ZNF503: variants seen among roughly 807,000 people sequenced by gnomAD.
ZNF503 encodes the protein NocA-like zinc finger 2.
ZNF503 carries 15 observed loss-of-function variants against 34.4 expected under a neutral mutation model. That is an observed-to-expected ratio of 0.44 (90% CI 0.29 to 0.67). ZNF503 has a LOEUF of 0.67. Among genes scored for constraint, ZNF503 ranks in the 30% least tolerant of loss-of-function variants. ZNF503 has a pLI of 0.13. For missense variants in ZNF503, 1,007 were observed against 926.8 expected, an observed-to-expected ratio of 1.09 and a Z score of -1.12; for synonymous variants, 580 against 456.8, an observed-to-expected ratio of 1.27 and a Z score of -3.44.
chr10:75,290,054 AATTTG>A, the ZNF503 span, among the ~76,000 whole-genome samples: 1 of 151,974 alleles, frequency 6.6e-6, no homozygotes, highest in African/African-American at 2.4e-5. Flanking sequence ...TGTCTCTATG[AATTTG>A]ACTACTTTAG....
At chr10:75,397,004 C>T (rs1035254137), downstream of ZNF503, among the ~76,000 whole-genome samples, 90 of 152,310 alleles carry the variant, frequency 5.9e-4, no homozygotes, top group African/African-American at 1.9e-3. Flanking sequence ...GCCCTAGGTG[C>T]CCACCTGGTA....
chr10:75,389,867 G>A, the ZNF503 span, among the ~76,000 whole-genome samples: 3 of 152,142 alleles, frequency 2.0e-5, no homozygotes, highest in African/African-American at 7.2e-5. Flanking sequence ...GTCTGCCTCC[G>A]TTTTGGGTTG....
chr10:75,344,785 GC>G, the ZNF503 span, among the ~76,000 whole-genome samples: 2 of 152,232 alleles, frequency 1.3e-5, no homozygotes, highest in African/African-American at 4.8e-5. Flanking sequence ...CAGCGTCATT[GC>G]AGAGATGCCC....
At chr10:75,376,303 C>T in the ZNF503 span, among the ~76,000 whole-genome samples, 1 of 152,166 alleles carries the variant, frequency 6.6e-6, no homozygotes, top group African/African-American at 2.4e-5. Context: ...CCCCACCACC[C>T]CTCTCTGGCT....
At chr10:75,282,831 T>G in the ZNF503 span, among the ~76,000 whole-genome samples, 2 of 152,114 alleles carry the variant, frequency 1.3e-5, no homozygotes, top group Non-Finnish European at 2.9e-5. Context: ...CCTCATAGGG[T>G]TGTGGGAAGG....
At chr10:75,365,336 CG>C in the ZNF503 span, among the ~76,000 whole-genome samples, 1 of 152,108 alleles carries the variant, frequency 6.6e-6, no homozygotes, top group Non-Finnish European at 1.5e-5. Context: ...TTAGTAGAGA[CG>C]GGGTTTCACT....
the ZNF503 span, among the ~76,000 whole-genome samples, chr10:75,367,759 G>T: frequency 2.0e-5 from 3 of 152,174 alleles, no homozygotes; most frequent in African/African-American, 7.2e-5. Context: ...TTCAAACTGG[G>T]TCACCTACTA....
At chr10:75,284,666 T>C in the ZNF503 span, among the ~76,000 whole-genome samples, 1 of 152,174 alleles carries the variant, frequency 6.6e-6, no homozygotes, top group East Asian at 1.9e-4. Flanking sequence ...ATCTGGGCCC[T>C]TCACCTTCAA....
the ZNF503 span, among the ~76,000 whole-genome samples, chr10:75,365,959 G>T: frequency 3.3e-5 from 5 of 152,354 alleles, no homozygotes; most frequent in African/African-American, 4.8e-5. Flanking sequence ...TCCCAGAGGA[G>T]CCCCAGTGAG....
chr10:75,338,814 G>A, the ZNF503 span, among the ~76,000 whole-genome samples: 366 of 152,312 alleles, frequency 2.4e-3, 4 homozygotes, highest in African/African-American at 8.3e-3. Context: ...GGGCACCAGC[G>A]GTGTGCCCTG....
chr10:75,284,473 G>T, the ZNF503 span, among the ~76,000 whole-genome samples: 1 of 152,060 alleles, frequency 6.6e-6, no homozygotes, highest in South Asian at 2.1e-4. Flanking sequence ...AGGACAGGAA[G>T]GGAGCAAAGC....
At chr10:75,349,416 G>C in the ZNF503 span, among the ~76,000 whole-genome samples, 1 of 152,126 alleles carries the variant, frequency 6.6e-6, no homozygotes, top group Non-Finnish European at 1.5e-5. Flanking sequence ...GACATTTTCG[G>C]CAAGAATGCC....
At chr10:75,349,845 G>A in the ZNF503 span, among the ~76,000 whole-genome samples, 1 of 152,206 alleles carries the variant, frequency 6.6e-6, no homozygotes, top group African/African-American at 2.4e-5. Flanking sequence ...TTTGTTCTGT[G>A]GACAAAAGTT....
At chr10:75,384,357 AAC>A in the ZNF503 span, among the ~76,000 whole-genome samples, 2 of 151,944 alleles carry the variant, frequency 1.3e-5, no homozygotes, top group African/African-American at 4.8e-5. Context: ...CAAATTCACA[AAC>A]ACACACACAC....
At chr10:75,286,090 C>G in the ZNF503 span, among the ~76,000 whole-genome samples, 1 of 152,112 alleles carries the variant, frequency 6.6e-6, no homozygotes, top group Non-Finnish European at 1.5e-5. Flanking sequence ...CAAGACCAGC[C>G]CGGCCAACAT....
Position 75,400,033 on chromosome 10 carries a change from G to T in ZNF503, c.657C>A (p.Cys219Ter). 1 of 1,600,252 alleles carries T rather than the reference G, an allele frequency of 6.2e-7. No individual in the cohort carries two copies. Among genetic ancestry groups the T allele is most frequent in the Non-Finnish European group, 8.5e-7 (1 of 1,176,824 alleles). The change falls in exon 2 of 2, where the codon TGC (cysteine) becomes TGA (stop). Residue 219 changes from cysteine (C) to a stop codon, truncating the protein, a stop_gained. Coordinates refer to ENST00000372524, the MANE Select transcript of ZNF503 (RefSeq NM_032772.6). LOFTEE classifies it high-confidence loss of function. ...TGCCTGTCCTGGGCGTGAATGGCTGGCAGGTGGCGCTCGGTACCCGGAATC... is the reference window on the plus strand; with the variant it reads ...TGCCTGTCCTGGGCGTGAATGGCTGTCAGGTGGCGCTCGGTACCCGGAATC... ...KSGFRVPSAT[C>*]QPFTPRTGSP...
chr10:75,343,712 C>G, the ZNF503 span, among the ~76,000 whole-genome samples: 1 of 152,190 alleles, frequency 6.6e-6, no homozygotes, highest in Non-Finnish European at 1.5e-5. Flanking sequence ...TTTCTGCGGC[C>G]CTAGCTGCAG....
At chr10:75,342,989 G>A in the ZNF503 span, among the ~76,000 whole-genome samples, 54 of 152,276 alleles carry the variant, frequency 3.5e-4, no homozygotes, top group African/African-American at 1.3e-3. Flanking sequence ...CTAATCTGAG[G>A]GGTCAGGGGA....
chr10:75,337,922 G>A, the ZNF503 span, among the ~76,000 whole-genome samples: 1 of 152,180 alleles, frequency 6.6e-6, no homozygotes, highest in Non-Finnish European at 1.5e-5. Context: ...GCCAGATGTT[G>A]TACTAAATGC....
Sources: allele counts gnomAD v4.1 joint callset (sites outside exome capture counted in the v4.1 genomes callset), GRCh38; gene constraint gnomAD v4.1.1; transcripts MANE v1.5; gene names NCBI Gene and HGNC (gene_info 2026-07-23, HGNC 2026-07-21).